The following REPS2 variants were observed in gnomAD, a reference collection of about 807,000 sequenced individuals.
REPS2 encodes the protein ralBP1-associated Eps domain-containing protein 2.
Under a neutral mutation model 53.6 loss-of-function variants are expected in REPS2, and 23 were observed. That is an observed-to-expected ratio of 0.43 (90% CI 0.31 to 0.61). REPS2 has a LOEUF of 0.61. Among genes scored for constraint, REPS2 ranks in the 20% least tolerant of loss-of-function variants. The pLI, the probability that REPS2 is intolerant of heterozygous loss-of-function variation, is 0.11. For synonymous variants in REPS2, 238 were observed against 218.6 expected, an observed-to-expected ratio of 1.09 and a Z score of -0.78; for missense variants, 446 against 534.9, an observed-to-expected ratio of 0.83 and a Z score of 1.64.
chrX:17,056,027 A>C (rs1156734949), intron 8 of REPS2, among the ~76,000 whole-genome samples: 2 of 111,997 alleles, frequency 1.8e-5, no homozygotes, highest in Admixed American at 9.4e-5. Context: ...AACAAAAAAA[A>C]AAAACAAAAA....
At chrX:16,979,123 G>T (rs1037644514) in intron 1 of REPS2, among the ~76,000 whole-genome samples, 3 of 111,951 alleles carry the variant, frequency 2.7e-5, no homozygotes, top group African/African-American at 9.7e-5. Flanking sequence ...CCCTAGGTCA[G>T]GGTTTCGAGT....
At chrX:17,086,037 A>G (rs1569167914) in intron 13 of REPS2, among the ~76,000 whole-genome samples, 1 of 111,918 alleles carries the variant, frequency 8.9e-6, no homozygotes, top group Admixed American at 9.5e-5. Context: ...GTTTTGGCAT[A>G]TTTTAAGTCT....
In REPS2 at chrX:17,133,804, T is replaced by C. The variant is rs775913258; in HGVS notation, c.1579-20T>C. On this transcript the variant is annotated intron_variant, in intron 14 of 17. Coordinates refer to ENST00000357277, the MANE Select transcript of REPS2 (RefSeq NM_004726.3). The stretch of plus-strand genomic sequence containing the variant: ...ATTGTGGTTTTGCATTTCTGTCCTC[T>C]CTCTGATCTCTTGCTACAGTCTGAA... The C allele has an allele frequency of 1.7e-6, 2 of 1,185,281 alleles. No homozygotes were observed. Among genetic ancestry groups the C allele is most frequent in the Admixed American group, 4.4e-5 (2 of 45,973 alleles).
intron 5 of REPS2, among the ~76,000 whole-genome samples, chrX:17,040,018 C>T (rs1369916172): frequency 1.8e-5 from 2 of 112,706 alleles, no homozygotes; most frequent in East Asian, 5.5e-4. Context: ...GTTTGGCAGT[C>T]AGCCTTCTGA....
intron 14 of REPS2, among the ~76,000 whole-genome samples, chrX:17,132,724 G>T (rs1223818416): frequency 9.0e-6 from 1 of 111,334 alleles, no homozygotes; most frequent in Non-Finnish European, 1.9e-5. Context: ...TTTTAGTAGA[G>T]ACGGGGTTTC....
chrX:17,185,385 G>C, the REPS2 span, among the ~76,000 whole-genome samples: 3 of 111,670 alleles, frequency 2.7e-5, no homozygotes, highest in Non-Finnish European at 5.6e-5. Context: ...AAGGTATACA[G>C]AAATGGGGTC....
chrX:17,084,945 A>C (rs1398904765), intron 13 of REPS2, among the ~76,000 whole-genome samples: 2 of 111,926 alleles, frequency 1.8e-5, no homozygotes, highest in Non-Finnish European at 3.8e-5. Flanking sequence ...ATATCTAAAA[A>C]ACCATTGCTT....
chrX:17,135,390 C>T lies in REPS2; in HGVS notation c.1792C>T (p.His598Tyr). 2 of 1,209,402 alleles carry T rather than the reference C, an allele frequency of 1.7e-6. No individual in the cohort carries two copies. The highest frequency in any genetic ancestry group is 2.2e-6 in the Non-Finnish European group (2 of 894,927). ...AGCTTCTGCGGCAACCATGAAACCG[C>T]ATCCAACAGTCCAAAAGTAAGTAGA... Reference protein sequence around the residue: ...GPASAATMKPHPTVQKQSSKQ... With the variant: ...GPASAATMKPYPTVQKQSSKQ... The change falls in exon 16 of 18, where the codon CAT (histidine) becomes TAT (tyrosine). Residue 598 changes from histidine (H) to tyrosine (Y), a missense_variant. By Grantham distance (83) the His-to-Tyr change is moderately conservative (BLOSUM62 2). Transcript: ENST00000357277.
In REPS2 at chrX:17,138,951, A is replaced by G. The variant is rs1275110834; in HGVS notation, c.1904A>G (p.Gln635Arg). The change falls in exon 17 of 18, where the codon CAG (glutamine) becomes CGG (arginine). Residue 635 changes from glutamine to arginine, a missense_variant. By Grantham distance (43) the Gln-to-Arg change is conservative. Coordinates refer to ENST00000357277, the MANE Select transcript of REPS2 (RefSeq NM_004726.3). Reference sequence around the variant, plus strand: ...GCTCGGCTGAACAGTGAGCTCCAGCAGCAGCTCAAGGTAAGGAATGAGTCC... The same window carrying G: ...GCTCGGCTGAACAGTGAGCTCCAGCGGCAGCTCAAGGTAAGGAATGAGTCC... ...VLARLNSELQ[Q>R]QLKEVHQERI... 1 of 1,180,617 alleles carries G rather than the reference A, an allele frequency of 8.5e-7. No homozygotes were observed. The highest frequency in any genetic ancestry group is 1.1e-6 in the Non-Finnish European group (1 of 876,517).
intron 1 of REPS2, among the ~76,000 whole-genome samples, chrX:17,001,675 T>C (rs951013534): frequency 7.1e-5 from 8 of 112,270 alleles, no homozygotes; most frequent in African/African-American, 2.6e-4. Flanking sequence ...CCATATGTTG[T>C]ATGTTAGTCC....
intron 10 of REPS2, among the ~76,000 whole-genome samples, chrX:17,069,677 A>G (rs993716619): frequency 1.8e-5 from 2 of 111,519 alleles, no homozygotes; most frequent in African/African-American, 6.5e-5. Context: ...TACTTCTCCT[A>G]TCTGCTTGAG....
chrX:17,130,905 G>T (rs2063283272), intron 14 of REPS2, among the ~76,000 whole-genome samples: 1 of 112,036 alleles, frequency 8.9e-6, no homozygotes, highest in African/African-American at 3.2e-5. Context: ...ATGATGAATT[G>T]CAATGATCCA....
chrX:17,010,488 C>T (rs1262533369), intron 2 of REPS2, among the ~76,000 whole-genome samples: 1 of 111,927 alleles, frequency 8.9e-6, no homozygotes, highest in South Asian at 3.8e-4. Context: ...GCAGGGCAAT[C>T]TCCTCCCCAC....
At chrX:17,023,419 CTG>C (rs2061599735) in intron 3 of REPS2, among the ~76,000 whole-genome samples, 4 of 59,637 alleles carry the variant, frequency 6.7e-5, no homozygotes, top group South Asian at 9.7e-4. Flanking sequence ...CAGAGCAAGA[CTG>C]TGTCTCAAAA....
intron 6 of REPS2, among the ~76,000 whole-genome samples, chrX:17,048,657 T>A (rs2061939662): frequency 8.9e-6 from 1 of 111,874 alleles, no homozygotes; most frequent in African/African-American, 3.3e-5. Context: ...ATGATGGCGG[T>A]ACCATAACAG....
intron 17 of REPS2, among the ~76,000 whole-genome samples, chrX:17,140,407 C>A (rs1468623632): frequency 1.8e-5 from 2 of 110,937 alleles, no homozygotes; most frequent in South Asian, 3.8e-4. Context: ...CCTGACTTAA[C>A]TTTTATACCC....
At chrX:17,026,792 A>G (rs1334149189) in intron 4 of REPS2, among the ~76,000 whole-genome samples, 2 of 110,837 alleles carry the variant, frequency 1.8e-5, no homozygotes, top group East Asian at 5.6e-4. Context: ...TACCCGTTTT[A>G]TTTGTTCATT....
At position 17,093,200 on chromosome X, in the gene REPS2, A is replaced by ATATATATATAT. The variant is rs61196590; in HGVS notation, c.1517-10518_1517-10517insTATATATATAT. Among the ~76,000 whole-genome samples, 66 of 15,451 alleles carry ATATATATATAT rather than the reference A, an allele frequency of 4.3e-3. 1 individual carries two copies. Among genetic ancestry groups the ATATATATATAT allele is most frequent in the Admixed American group, 4.9e-3 (4 of 821 alleles). The allele number at this position is 15,451 out of a possible 115,157, so 13.4% of individuals were successfully genotyped here. A position where few individuals can be genotyped will look rare whatever the true frequency, so the allele number is the denominator to read the frequency against. ...TATATATATATATATATATATATATAATTTTTTTTTTGGAAAGAGTGGCAA... is the reference window on the plus strand; with the variant it reads ...TATATATATATATATATATATATATATATATATATATATTTTTTTTTTGGAAAGAGTGGCAA... On this transcript the variant is annotated intron_variant, in intron 13 of 17. Coordinates refer to ENST00000357277, the MANE Select transcript of REPS2 (RefSeq NM_004726.3).
chrX:17,050,950 T>A (rs1373155901), intron 6 of REPS2, among the ~76,000 whole-genome samples: 3 of 111,496 alleles, frequency 2.7e-5, no homozygotes, highest in Non-Finnish European at 5.6e-5. Context: ...TCTTAGTCAT[T>A]CTTTCTAACT....
Sources: allele counts gnomAD v4.1 joint callset (sites outside exome capture counted in the v4.1 genomes callset), GRCh38; gene constraint gnomAD v4.1.1; transcripts MANE v1.5; gene names NCBI Gene and HGNC (gene_info 2026-07-23, HGNC 2026-07-21).